The following ADCY3 variants were observed in gnomAD, a reference collection of about 807,000 sequenced individuals.
ADCY3 encodes the protein adenylate cyclase 3.
A neutral mutation model predicts 119.4 loss-of-function variants in ADCY3; 70 were observed. That is an observed-to-expected ratio of 0.59 (90% CI 0.48 to 0.72). The LOEUF is 0.72. ADCY3 is among the 30% of genes least tolerant of loss of function. The pLI is 0.00. For missense variants in ADCY3, 1,238 were observed against 1,541.6 expected (o/e 0.80, Z 3.30); for synonymous variants, 672 against 621.4 (o/e 1.08, Z -1.21).
At chr2:24,901,205 C>A (rs1363023908) in intron 2 of ADCY3, among the ~76,000 whole-genome samples, 1 of 152,216 alleles carries the variant, frequency 6.6e-6, no homozygotes, top group African/African-American at 2.4e-5. Flanking sequence ...ATAGTCCAGT[C>A]CCTCCAGAAA....
intron 2 of ADCY3, among the ~76,000 whole-genome samples, chr2:24,873,986 G>A (rs998894671): frequency 2.6e-5 from 4 of 152,192 alleles, no homozygotes; most frequent in Non-Finnish European, 5.9e-5. Context: ...AAAAGGCAGG[G>A]AAGTCAATTT....
Position 24,899,530 on chromosome 2 carries a change from AGCAGCTT to A in ADCY3, c.675+18776_675+18782del, listed in dbSNP as rs1678679555. Among the ~76,000 whole-genome samples the A allele has an allele frequency of 6.6e-6, 1 of 152,188 alleles. No individual in the cohort carries two copies. The highest frequency in any genetic ancestry group is 6.5e-5 in the Admixed American group (1 of 15,284). ...GCTGCTGCAGATGGAAGCAAGCAGA[AGCAGCTT>A]GCTAGACCAGCCCTGACTCTTCCTC... On this transcript the variant is annotated intron_variant, in intron 2 of 21. Transcript: ENST00000679454. The surrounding 1 kb of genome is among the most constrained non-coding windows in gnomAD (Gnocchi z 4.5).
chr2:24,910,732 T>C (rs1017667392), intron 2 of ADCY3, among the ~76,000 whole-genome samples: 4 of 150,530 alleles, frequency 2.7e-5, no homozygotes, highest in Non-Finnish European at 5.9e-5. Context: ...CTGCACTCTC[T>C]GCCTCCCAAG....
rs1678678206 is a variant in ADCY3 at position 24,899,519 on chromosome 2, A to C, written c.675+18794T>G. 6.6e-6 allele frequency among the ~76,000 whole-genome samples: 1 copy of C among 152,094 alleles called. No homozygotes were observed. Among genetic ancestry groups the C allele is most frequent in the South Asian group, 2.1e-4 (1 of 4,820 alleles). On this transcript the variant is annotated intron_variant, in intron 2 of 21. Transcript: ENST00000679454. This position sits in a 1 kb window ranked among gnomAD's most constrained non-coding sequence, Gnocchi z 4.5. Reference sequence around the variant, plus strand: ...GATGCCTTCTTGCTGCTGCAGATGGAAGCAAGCAGAAGCAGCTTGCTAGAC... The same window carrying C: ...GATGCCTTCTTGCTGCTGCAGATGGCAGCAAGCAGAAGCAGCTTGCTAGAC...
At chr2:24,838,941 A>AT (rs377483153) in intron 7 of ADCY3, 99,902 of 1,119,840 alleles carry the variant, frequency 0.089, 8 homozygotes, top group Non-Finnish European at 0.097. Context: ...GCGATAAGGA[A>AT]TTTTTTTTTT....
intron 3 of ADCY3, among the ~76,000 whole-genome samples, chr2:24,846,024 C>G (rs776445658): frequency 4.6e-5 from 7 of 152,280 alleles, no homozygotes; most frequent in Admixed American, 6.5e-5. Context: ...ATTGGGGAAC[C>G]TCTGCCTAGA....
chr2:24,865,478 T>C (rs1187070514), intron 3 of ADCY3, among the ~76,000 whole-genome samples: 2 of 143,236 alleles, frequency 1.4e-5, no homozygotes, highest in Admixed American at 1.4e-4. Flanking sequence ...AAAGAGTGAA[T>C]AGGCTATCAT....
At chr2:24,901,133 G>A (rs1678852584) in intron 2 of ADCY3, among the ~76,000 whole-genome samples, 1 of 152,184 alleles carries the variant, frequency 6.6e-6, no homozygotes, top group Admixed American at 6.5e-5. Context: ...AGCCGAGCAG[G>A]AAGGGGCAGG....
rs1345930828 is a variant in ADCY3, at chr2:24,836,924, T to C, written c.1655A>G (p.Asp552Gly). 1.2e-6 allele frequency: 2 copies of C among 1,612,536 alleles called. No homozygotes were observed. Among genetic ancestry groups the C allele is most frequent in the East Asian group, 4.5e-5 (2 of 44,878 alleles). Residue 552 changes from aspartate (D) to glycine (G), a missense_variant, in exon 9 of 22, where the codon GAT becomes GGT. Asp to Gly is a moderately conservative substitution (Grantham distance 94). Coordinates refer to ENST00000679454, the MANE Select transcript of ADCY3 (RefSeq NM_004036.5). ...CCTGAGCCCTGCACATACCTGGGCA[T>C]CCTGCTCCTCGGGCTTCTCCGACGT... ...GSTSEKPEEQ[D>G]AQADNPSFPN...
Position 24,841,106 on chromosome 2 carries a change from G to C in ADCY3, c.1196+153C>G, listed in dbSNP as rs555563974. Reference sequence around the variant, plus strand: ...ATCCCAGCTTCTAGAGCGGGAGCCTGCGCCACCCATCAACCAGTGCTGTGT... The same window carrying C: ...ATCCCAGCTTCTAGAGCGGGAGCCTCCGCCACCCATCAACCAGTGCTGTGT... On this transcript the variant is annotated intron_variant, in intron 6 of 21. Coordinates refer to ENST00000679454, the MANE Select transcript of ADCY3 (RefSeq NM_004036.5). The surrounding 1 kb of genome is among the most constrained non-coding windows in gnomAD (Gnocchi z 5.8). Among the ~76,000 whole-genome samples, 8 of 152,348 alleles carry C rather than the reference G, an allele frequency of 5.3e-5. No homozygotes were observed. The highest frequency in any genetic ancestry group is 1.9e-4 in the African/African-American group (8 of 41,578).
chr2:24,867,660 A>G (rs895833917), intron 3 of ADCY3, among the ~76,000 whole-genome samples: 2 of 152,252 alleles, frequency 1.3e-5, no homozygotes, highest in African/African-American at 4.8e-5. Context: ...GTAATCAGAA[A>G]TGGAGAGAAT....
chr2:24,830,364 C>T (rs1438794840), intron 13 of ADCY3, among the ~76,000 whole-genome samples: 3 of 152,174 alleles, frequency 2.0e-5, no homozygotes, highest in African/African-American at 7.2e-5. Context: ...GAGTTAGTTT[C>T]TCCCTATGAA....
At chr2:24,843,209 G>A (rs1181020053) in intron 3 of ADCY3, among the ~76,000 whole-genome samples, 1 of 152,174 alleles carries the variant, frequency 6.6e-6, no homozygotes, top group African/African-American at 2.4e-5. Context: ...AGCAAACCGT[G>A]GCCTGTGGGC....
At chr2:24,884,390 C>T (rs1676761770) in intron 2 of ADCY3, among the ~76,000 whole-genome samples, 2 of 151,980 alleles carry the variant, frequency 1.3e-5, no homozygotes. Flanking sequence ...ACCAAACTCT[C>T]ATGCTGCTGC....
At chr2:24,888,554 G>A (rs564218117) in intron 2 of ADCY3, among the ~76,000 whole-genome samples, 11 of 152,328 alleles carry the variant, frequency 7.2e-5, no homozygotes, top group African/African-American at 2.2e-4. Flanking sequence ...GTGTGATGCC[G>A]TGGAATAAGC....
intron 2 of ADCY3, among the ~76,000 whole-genome samples, chr2:24,907,312 C>T (rs1262479623): frequency 6.6e-6 from 1 of 151,736 alleles, no homozygotes; most frequent in Non-Finnish European, 1.5e-5. Context: ...GAGATCAGTC[C>T]TGAAGTGACA....
At chr2:24,863,499 A>G (rs1423874041) in intron 3 of ADCY3, among the ~76,000 whole-genome samples, 1 of 152,140 alleles carries the variant, frequency 6.6e-6, no homozygotes, top group Non-Finnish European at 1.5e-5. Context: ...ACTCCCCTTC[A>G]TAGATATCTA....
chr2:24,889,100 T>G (rs2148922991), intron 2 of ADCY3, among the ~76,000 whole-genome samples: 1 of 152,360 alleles, frequency 6.6e-6, no homozygotes, highest in Middle Eastern at 3.4e-3. Context: ...TATCTTCAGC[T>G]TATAATGCGT....
intron 17 of ADCY3, among the ~76,000 whole-genome samples, chr2:24,824,119 G>A (rs1025791192): frequency 1.3e-5 from 2 of 152,240 alleles, no homozygotes; most frequent in Non-Finnish European, 1.5e-5. Context: ...CAGAAAGGTG[G>A]GCTCTAGCCA....
Sources: gnomAD v4.1 joint callset for allele counts (sites outside exome capture counted in the v4.1 genomes callset) on GRCh38, gnomAD v4.1.1 for gene constraint, Gnocchi (gnomAD v3.1) non-coding constraint, MANE v1.5 for transcripts, NCBI Gene and HGNC (gene_info 2026-07-23, HGNC 2026-07-21) for gene names.